Variants in PTPRD observed in about 807,000 individuals in gnomAD.
PTPRD encodes the protein protein tyrosine phosphatase receptor type D.
A neutral mutation model predicts 214.5 loss-of-function variants in PTPRD; 34 were observed. The ratio of observed to expected loss-of-function variants is 0.16; its 90% confidence interval spans 0.12 to 0.21. PTPRD has a LOEUF of 0.21. PTPRD is among the 10% of genes least tolerant of loss of function. The pLI is 1.00. For missense variants in PTPRD, 2,545 were observed against 2,398.7 expected, an observed-to-expected ratio of 1.06 and a Z score of -1.27; for synonymous variants, 1,128 against 845.7, an observed-to-expected ratio of 1.33 and a Z score of -5.79.
intron 2 of PTPRD, among the ~76,000 whole-genome samples, chr9:10,409,451 A>G (rs1469579629): frequency 6.6e-6 from 1 of 151,762 alleles, no homozygotes; most frequent in African/African-American, 2.4e-5. Flanking sequence ...CAATTTGTCA[A>G]AAATACATCC....
intron 3 of PTPRD, among the ~76,000 whole-genome samples, chr9:10,078,073 C>T (rs2098164231): frequency 6.6e-6 from 1 of 151,570 alleles, no homozygotes; most frequent in Non-Finnish European, 1.5e-5. Flanking sequence ...TGGAATAATT[C>T]CAAGGACCCT....
At chr9:9,954,203 T>G (rs962371623) in intron 4 of PTPRD, among the ~76,000 whole-genome samples, 3 of 143,078 alleles carry the variant, frequency 2.1e-5, no homozygotes, top group Admixed American at 7.7e-5. Flanking sequence ...GGCTGAGGGA[T>G]GAGAATCGCT....
intron 3 of PTPRD, among the ~76,000 whole-genome samples, chr9:10,326,291 T>C (rs926446474): frequency 1.3e-5 from 2 of 151,802 alleles, no homozygotes; most frequent in Non-Finnish European, 2.9e-5. Flanking sequence ...TAAACTGACG[T>C]GGTCATTTTA....
At chr9:10,275,519 T>A (rs1023739166) in intron 3 of PTPRD, among the ~76,000 whole-genome samples, 4 of 152,116 alleles carry the variant, frequency 2.6e-5, no homozygotes, top group Non-Finnish European at 4.4e-5. Flanking sequence ...ACTCCATAAC[T>A]GGTATTATAA....
chr9:10,551,173 A>T (rs2061277002), intron 2 of PTPRD, among the ~76,000 whole-genome samples: 1 of 152,054 alleles, frequency 6.6e-6, no homozygotes, highest in Admixed American at 6.6e-5. Flanking sequence ...CAACTCTGCA[A>T]AGAAACCTTA....
chr9:9,891,532 C>T (rs1168115584), intron 5 of PTPRD, among the ~76,000 whole-genome samples: 2 of 152,050 alleles, frequency 1.3e-5, no homozygotes, highest in African/African-American at 4.8e-5. Flanking sequence ...CTCTTAACAA[C>T]ACATATGAGC....
At chr9:9,471,583 T>C (rs1345556395) in intron 8 of PTPRD, among the ~76,000 whole-genome samples, 1 of 152,202 alleles carries the variant, frequency 6.6e-6, no homozygotes, top group Non-Finnish European at 1.5e-5. Flanking sequence ...TGCTATATTT[T>C]AAAATTATTC....
At chr9:8,725,799 G>T (rs185582298) in intron 12 of PTPRD, among the ~76,000 whole-genome samples, 1 of 152,108 alleles carries the variant, frequency 6.6e-6, no homozygotes, top group East Asian at 1.9e-4. Flanking sequence ...TAATTATACA[G>T]CAGAAGCAGG....
chr9:10,016,041 C>T (rs1269227293), intron 4 of PTPRD, among the ~76,000 whole-genome samples: 1 of 152,150 alleles, frequency 6.6e-6, no homozygotes, highest in Non-Finnish European at 1.5e-5. Context: ...CCTTCAATGA[C>T]TCCTATTGGT....
chr9:8,404,996 T>A (rs1010397525), intron 35 of PTPRD, among the ~76,000 whole-genome samples: 5 of 152,234 alleles, frequency 3.3e-5, no homozygotes, highest in Non-Finnish European at 7.3e-5. Flanking sequence ...TCAATATTCC[T>A]TCCGGTTCTG....
chr9:9,550,165 A>C (rs781141300), intron 8 of PTPRD, among the ~76,000 whole-genome samples: 5 of 152,060 alleles, frequency 3.3e-5, no homozygotes, highest in Middle Eastern at 3.4e-3. Flanking sequence ...ACTTAGGTTT[A>C]CCAAAGAAGA....
intron 7 of PTPRD, among the ~76,000 whole-genome samples, chr9:9,618,135 G>A (rs1429507092): frequency 7.3e-6 from 1 of 137,616 alleles, no homozygotes; most frequent in African/African-American, 2.7e-5. Flanking sequence ...GAATAGATTG[G>A]AAAAAGGCAA....
chr9:10,316,152 T>G (rs2096418296), intron 3 of PTPRD, among the ~76,000 whole-genome samples: 2 of 141,548 alleles, frequency 1.4e-5, no homozygotes, highest in Non-Finnish European at 3.0e-5. Context: ...TACATATGTA[T>G]ATATGTATAT....
chr9:10,402,525 C>G (rs1224524276), intron 2 of PTPRD, among the ~76,000 whole-genome samples: 1 of 151,638 alleles, frequency 6.6e-6, no homozygotes, highest in African/African-American at 2.4e-5. Flanking sequence ...TGAAAAACAT[C>G]TTGTGGTAAA....
intron 9 of PTPRD, among the ~76,000 whole-genome samples, chr9:9,287,839 C>A (rs1176611033): frequency 6.6e-6 from 1 of 151,736 alleles, no homozygotes; most frequent in Non-Finnish European, 1.5e-5. Flanking sequence ...AGGAAACAAC[C>A]TTGACACTTC....
chr9:9,414,071 A>G (rs1414950441), intron 8 of PTPRD, among the ~76,000 whole-genome samples: 9 of 152,260 alleles, frequency 5.9e-5, no homozygotes, highest in Non-Finnish European at 1.2e-4. Flanking sequence ...ATTATTTAAA[A>G]CAACGTTTGA....
intron 2 of PTPRD, among the ~76,000 whole-genome samples, chr9:10,355,395 A>G (rs1205882923): frequency 6.6e-6 from 1 of 152,052 alleles, no homozygotes; most frequent in Non-Finnish European, 1.5e-5. Context: ...ATATTGCACC[A>G]TGGAATGTTT....
chr9:8,542,133 G>T (rs1213289598), intron 14 of PTPRD, among the ~76,000 whole-genome samples: 1 of 152,108 alleles, frequency 6.6e-6, no homozygotes, highest in Non-Finnish European at 1.5e-5. Context: ...CATACATAAA[G>T]GATTGCGATC....
At chr9:9,308,679 C>T (rs1000952765) in intron 9 of PTPRD, among the ~76,000 whole-genome samples, 7 of 152,062 alleles carry the variant, frequency 4.6e-5, no homozygotes, top group South Asian at 4.1e-4. Flanking sequence ...TTCTATTTAC[C>T]GGCACCTGAT....
Sources: allele counts gnomAD v4.1 joint callset (sites outside exome capture counted in the v4.1 genomes callset), GRCh38; gene constraint gnomAD v4.1.1; transcripts MANE v1.5; gene names NCBI Gene and HGNC (gene_info 2026-07-23, HGNC 2026-07-21).